The following ANXA8 variants were observed in gnomAD, a reference collection of about 807,000 sequenced individuals.
The protein encoded by ANXA8 is VAC-beta.
In ANXA8, 9 loss-of-function variants were observed where a neutral mutation model predicts 26.8. That is an observed-to-expected ratio of 0.34 (90% CI 0.20 to 0.59). The LOEUF (loss-of-function observed/expected upper bound fraction) is 0.59. Ranked by LOEUF, ANXA8 falls within the 20% of genes least tolerant of loss-of-function variation. The probability of loss-of-function intolerance (pLI) is 0.84; values close to 1 mark genes in which losing one functional copy is unlikely to be tolerated. For missense variants in ANXA8, 83 were observed against 238.5 expected (o/e 0.35, Z 4.29); for synonymous variants, 39 against 94.8 (o/e 0.41, Z 3.42).
chr10:47,579,785 A>G, the ANXA8 span, among the ~76,000 whole-genome samples: 1 of 91,630 alleles, frequency 1.1e-5, no homozygotes, highest in African/African-American at 3.8e-5. Flanking sequence ...TAATAATACC[A>G]CACAAAATAG....
chr10:47,559,522 G>C, the ANXA8 span, among the ~76,000 whole-genome samples: 5 of 151,874 alleles, frequency 3.3e-5, no homozygotes, highest in Non-Finnish European at 7.4e-5. Context: ...TCCAAACCCA[G>C]AGAAGGAAGA....
At chr10:47,735,280 A>G in the ANXA8 span, among the ~76,000 whole-genome samples, 47 of 143,024 alleles carry the variant, frequency 3.3e-4, no homozygotes, top group African/African-American at 1.2e-3. Flanking sequence ...TTTTTTGTAG[A>G]GACAGGGTCT....
Position 47,475,584 on chromosome 10 carries a change from CA to C in ANXA8, c.413-13del. 6.3e-7 allele frequency: 1 copy of C among 1,575,730 alleles called. No individual in the cohort carries two copies. The highest frequency in any genetic ancestry group is 8.7e-7 in the Non-Finnish European group (1 of 1,152,638). ...GCTGGACCCATAGTCTGCAGGGAAA[CA>C]GGACCATGAGGCACAAGCAGAGGCC... On this transcript the variant is annotated splice_polypyrimidine_tract_variant and intron_variant, in intron 5 of 11. Coordinates refer to ENST00000585281, the MANE Select transcript of ANXA8 (RefSeq NM_001040084.3).
chr10:47,502,307 C>G, the ANXA8 span: 2 of 1,602,738 alleles, frequency 1.2e-6, no homozygotes, highest in Admixed American at 3.4e-5. Flanking sequence ...GAGCCATGTG[C>G]CAGCAGCAGG....
At chr10:47,645,327 G>A in the ANXA8 span, among the ~76,000 whole-genome samples, 3 of 147,086 alleles carry the variant, frequency 2.0e-5, no homozygotes, top group South Asian at 2.1e-4. Flanking sequence ...AGTGGGAGAC[G>A]TTACTAAAGG....
chr10:47,646,286 A>G, the ANXA8 span, among the ~76,000 whole-genome samples: 4 of 137,970 alleles, frequency 2.9e-5, no homozygotes, highest in South Asian at 6.7e-4. Flanking sequence ...TCACTTCAAA[A>G]GAATACTAAA....
At chr10:47,578,636 GA>G in the ANXA8 span, among the ~76,000 whole-genome samples, 1 of 106,224 alleles carries the variant, frequency 9.4e-6, no homozygotes, top group Non-Finnish European at 2.0e-5. Flanking sequence ...ACTAGACTTA[GA>G]ACTCAGCATG....
chr10:47,608,176 A>G, the ANXA8 span, among the ~76,000 whole-genome samples: 2 of 114,100 alleles, frequency 1.8e-5, no homozygotes, highest in Non-Finnish European at 1.7e-5. Context: ...ACATATACAT[A>G]TATACATACA....
At chr10:47,940,447 C>T in the ANXA8 span, among the ~76,000 whole-genome samples, 1 of 147,398 alleles carries the variant, frequency 6.8e-6, no homozygotes, top group Non-Finnish European at 1.5e-5. Context: ...AGGGCTCCAG[C>T]AACAGCATGA....
the ANXA8 span, among the ~76,000 whole-genome samples, chr10:47,892,437 C>T: frequency 3.4e-5 from 4 of 116,836 alleles, no homozygotes; most frequent in Admixed American, 2.0e-4. Context: ...TTTTCTTCCT[C>T]TTCTTTGGGT....
At chr10:47,530,692 C>CAA in the ANXA8 span, among the ~76,000 whole-genome samples, 2 of 115,600 alleles carry the variant, frequency 1.7e-5, no homozygotes, top group African/African-American at 6.5e-5. Context: ...GACTCCCTCT[C>CAA]AAAAAAAAAA....
At chr10:47,554,745 C>G in the ANXA8 span, among the ~76,000 whole-genome samples, 1 of 152,110 alleles carries the variant, frequency 6.6e-6, no homozygotes, top group East Asian at 2.0e-4. Context: ...TCACCCCCAG[C>G]AGCCCCCAGG....
the ANXA8 span, chr10:47,502,407 C>G: frequency 3.1e-6 from 5 of 1,610,498 alleles, no homozygotes; most frequent in Non-Finnish European, 4.2e-6. Context: ...CCAGAAAGAG[C>G]TTCTCCTCAT....
At chr10:47,603,505 A>G in the ANXA8 span, among the ~76,000 whole-genome samples, 1 of 146,650 alleles carries the variant, frequency 6.8e-6, no homozygotes, top group African/African-American at 2.7e-5. Flanking sequence ...GTTAGCATAT[A>G]ATGTTCTTAC....
chr10:47,698,687 G>A, the ANXA8 span, among the ~76,000 whole-genome samples: 1 of 152,216 alleles, frequency 6.6e-6, no homozygotes, highest in South Asian at 2.1e-4. Flanking sequence ...TAAAAATATG[G>A]AAAAATTAGC....
At chr10:47,597,332 C>T in the ANXA8 span, among the ~76,000 whole-genome samples, 2 of 149,074 alleles carry the variant, frequency 1.3e-5, no homozygotes, top group Non-Finnish European at 2.9e-5. Flanking sequence ...GAAGAATTCC[C>T]ATAAGAATAA....
the ANXA8 span, among the ~76,000 whole-genome samples, chr10:47,536,344 A>T: frequency 4.9e-5 from 2 of 40,772 alleles, no homozygotes; most frequent in African/African-American, 4.3e-4. Flanking sequence ...AAGAGCCCAA[A>T]GCCAAAAAAT....
At chr10:47,762,669 G>A in the ANXA8 span, 3 of 839,720 alleles carry the variant, frequency 3.6e-6, no homozygotes, top group Non-Finnish European at 4.7e-6. Context: ...TGGTCTCGCC[G>A]GTCTGGGCGG....
chr10:47,563,733 G>A, the ANXA8 span: 1 of 834,900 alleles, frequency 1.2e-6, no homozygotes, highest in African/African-American at 1.7e-5. Flanking sequence ...GGGGAAATAT[G>A]TTTACAAACA....
Sources: gnomAD v4.1 joint callset for allele counts (sites outside exome capture counted in the v4.1 genomes callset) on GRCh38, gnomAD v4.1.1 for gene constraint, MANE v1.5 for transcripts, NCBI Gene and HGNC (gene_info 2026-07-23, HGNC 2026-07-21) for gene names.